Variants in CDYL observed in about 807,000 individuals in gnomAD.
CDYL encodes the protein chromodomain Y-like protein.
CDYL carries 8 observed loss-of-function variants against 47.3 expected under a neutral mutation model. That is an observed-to-expected ratio of 0.17 (90% CI 0.10 to 0.31). CDYL has a LOEUF of 0.31. Ranked by LOEUF, CDYL falls within the 10% of genes least tolerant of loss-of-function variation. CDYL has a pLI of 1.00. For synonymous variants in CDYL, 266 were observed against 265.0 expected (o/e 1.00, Z -0.04); for missense variants, 471 against 701.4 (o/e 0.67, Z 3.71).
chr6:4,843,225 C>T (rs747851658), intron 1 of CDYL, among the ~76,000 whole-genome samples: 9 of 152,110 alleles, frequency 5.9e-5, no homozygotes, highest in Non-Finnish European at 1.2e-4. Flanking sequence ...TTACCTGGTG[C>T]TTTTGCCTCA....
chr6:4,811,905 C>G (rs1344996419), intron 1 of CDYL, among the ~76,000 whole-genome samples: 1 of 152,206 alleles, frequency 6.6e-6, no homozygotes, highest in Non-Finnish European at 1.5e-5. Context: ...ACCCTCTTCC[C>G]CATTCATCAG....
intron 1 of CDYL, among the ~76,000 whole-genome samples, chr6:4,846,406 A>G (rs61657419): frequency 0.025 from 3,767 of 152,322 alleles, 147 homozygotes; most frequent in African/African-American, 0.085. Context: ...GTAAAATACA[A>G]ACAATCAAAA....
intron 3 of CDYL, among the ~76,000 whole-genome samples, chr6:4,743,051 C>G (rs1017528429): frequency 4.6e-5 from 7 of 152,230 alleles, no homozygotes; most frequent in Admixed American, 1.3e-4. Context: ...TTCTCACGCC[C>G]CAAGGCTCTG....
At chr6:4,807,591 C>CTTTTTT in intron 1 of CDYL, among the ~76,000 whole-genome samples, 1 of 42,942 alleles carries the variant, frequency 2.3e-5, no homozygotes, top group Admixed American at 4.3e-4. Flanking sequence ...TCATTCATGT[C>CTTTTTT]TTTTTTTTTT....
intron 2 of CDYL, among the ~76,000 whole-genome samples, chr6:4,729,600 G>C (rs1041471309): frequency 6.6e-6 from 1 of 152,184 alleles, no homozygotes; most frequent in Non-Finnish European, 1.5e-5. Flanking sequence ...AAAAAACAAT[G>C]ACCAAATCAC....
intron 1 of CDYL, among the ~76,000 whole-genome samples, chr6:4,813,666 G>A (rs1213548334): frequency 6.6e-6 from 1 of 152,176 alleles, no homozygotes; most frequent in African/African-American, 2.4e-5. Context: ...TATTTTATCC[G>A]ATTGTTATTA....
intron 1 of CDYL, among the ~76,000 whole-genome samples, chr6:4,791,692 A>G (rs1758920953): frequency 6.6e-6 from 1 of 151,820 alleles, no homozygotes; most frequent in Admixed American, 6.6e-5. Flanking sequence ...TTTACTGAGC[A>G]AAGAAACATC....
chr6:4,917,538 A>G (rs1455421484), intron 2 of CDYL, among the ~76,000 whole-genome samples: 3 of 152,220 alleles, frequency 2.0e-5, no homozygotes, highest in Non-Finnish European at 4.4e-5. Flanking sequence ...AGACACAGTT[A>G]AAATTAATGT....
chr6:4,905,333 G>C (rs1430291624), intron 2 of CDYL, among the ~76,000 whole-genome samples: 2 of 152,202 alleles, frequency 1.3e-5, no homozygotes, highest in Non-Finnish European at 2.9e-5. Flanking sequence ...ACTTAGCGGG[G>C]TTGACCTGAG....
intron 3 of CDYL, among the ~76,000 whole-genome samples, chr6:4,771,153 A>G (rs1050991815): frequency 6.6e-6 from 1 of 151,860 alleles, no homozygotes; most frequent in Admixed American, 6.6e-5. Flanking sequence ...TTGCTCTGCC[A>G]TCCAGGCTGG....
intron 1 of CDYL, among the ~76,000 whole-genome samples, chr6:4,869,340 C>G (rs1761410496): frequency 6.6e-6 from 1 of 152,190 alleles, no homozygotes; most frequent in Non-Finnish European, 1.5e-5. Flanking sequence ...AGGTGATCCA[C>G]TCGCCTTGGC....
chr6:4,760,497 A>G (rs1248554190), intron 3 of CDYL, among the ~76,000 whole-genome samples: 3 of 152,170 alleles, frequency 2.0e-5, no homozygotes, highest in African/African-American at 4.8e-5. Flanking sequence ...ACACTGGTTC[A>G]TCATGGATTG....
intron 2 of CDYL, among the ~76,000 whole-genome samples, chr6:4,929,493 T>TACACACACACACACACACAC (rs71540836): frequency 4.1e-4 from 59 of 144,036 alleles, no homozygotes; most frequent in South Asian, 2.1e-3. Flanking sequence ...ATGTTTTACT[T>TACACACACACACACACACAC]ACACACACAC....
At chr6:4,878,586 T>G (rs1006436975) in intron 1 of CDYL, among the ~76,000 whole-genome samples, 3 of 152,126 alleles carry the variant, frequency 2.0e-5, no homozygotes, top group Non-Finnish European at 4.4e-5. Context: ...ATAATGTTTT[T>G]CATAATATTT....
chr6:4,890,276 T>G, intron 1 of CDYL: 1 of 551,750 alleles, frequency 1.8e-6, no homozygotes, highest in South Asian at 7.8e-5. Context: ...TTACTTAAAT[T>G]GAAATACACC....
intron 2 of CDYL, among the ~76,000 whole-genome samples, chr6:4,907,586 G>A (rs1320126277): frequency 6.6e-6 from 1 of 152,086 alleles, no homozygotes; most frequent in East Asian, 1.9e-4. Flanking sequence ...TTTTGCCCAG[G>A]CTAGTCTTGA....
At chr6:4,899,448 G>T (rs1397712666) in intron 2 of CDYL, among the ~76,000 whole-genome samples, 2 of 152,234 alleles carry the variant, frequency 1.3e-5, no homozygotes, top group Admixed American at 6.5e-5. Flanking sequence ...AAATTGCGGA[G>T]AAGTTCCTAG....
intron 1 of CDYL, among the ~76,000 whole-genome samples, chr6:4,802,350 C>T (rs567947188): frequency 1.4e-4 from 21 of 152,138 alleles, no homozygotes; most frequent in Admixed American, 5.2e-4. Flanking sequence ...CAAGCCTGGG[C>T]AACATAGTGA....
chr6:4,796,476 A>G (rs1430814116), intron 1 of CDYL, among the ~76,000 whole-genome samples: 1 of 152,120 alleles, frequency 6.6e-6, no homozygotes, highest in Non-Finnish European at 1.5e-5. Flanking sequence ...TATACCCTTC[A>G]TTGTTTTCTG....
Sources: allele counts gnomAD v4.1 joint callset (sites outside exome capture counted in the v4.1 genomes callset), GRCh38; gene constraint gnomAD v4.1.1; transcripts MANE v1.5; gene names NCBI Gene and HGNC (gene_info 2026-07-23, HGNC 2026-07-21).